The following PPP2R5C variants were observed in gnomAD, a reference collection of about 807,000 sequenced individuals.
The protein encoded by PPP2R5C is serine/threonine-protein phosphatase 2A 56 kDa regulatory subunit gamma isoform.
Under a neutral mutation model 68.9 loss-of-function variants are expected in PPP2R5C, and 7 were observed. That is an observed-to-expected ratio of 0.10 (90% confidence interval 0.06 to 0.19). The LOEUF is 0.19. PPP2R5C is among the 10% of genes least tolerant of loss of function. The probability of loss-of-function intolerance (pLI) is 1.00; values close to 1 mark genes in which losing one functional copy is unlikely to be tolerated. For missense variants in PPP2R5C, 348 were observed against 641.3 expected, an observed-to-expected ratio of 0.54 and a Z score of 4.94; for synonymous variants, 210 against 222.2, an observed-to-expected ratio of 0.95 and a Z score of 0.49.
chr14:101,907,624 C>G (rs934377976), intron 10 of PPP2R5C, among the ~76,000 whole-genome samples: 11 of 152,196 alleles, frequency 7.2e-5, no homozygotes, highest in African/African-American at 2.7e-4. Context: ...CAGCCCTCCT[C>G]CCTTAGTTTA....
chr14:101,848,710 G>C (rs2140487999), intron 1 of PPP2R5C, among the ~76,000 whole-genome samples: 1 of 152,302 alleles, frequency 6.6e-6, no homozygotes, highest in Non-Finnish European at 1.5e-5. Flanking sequence ...GAGCAGCCCA[G>C]GGACACCCCG....
chr14:101,818,272 C>G (rs2039839108), intron 1 of PPP2R5C: 1 of 152,320 alleles, frequency 6.6e-6, no homozygotes, highest in Non-Finnish European at 1.5e-5. Flanking sequence ...TTATATACAT[C>G]TCCCCTCCTC....
chr14:101,805,561 C>G (rs951586173), upstream of PPP2R5C, among the ~76,000 whole-genome samples: 5 of 152,016 alleles, frequency 3.3e-5, no homozygotes, highest in Non-Finnish European at 7.4e-5. Flanking sequence ...GGATATACAC[C>G]CAAAAGAATT....
At chr14:101,852,581 G>T (rs1444126964) in intron 1 of PPP2R5C, among the ~76,000 whole-genome samples, 8 of 145,082 alleles carry the variant, frequency 5.5e-5, no homozygotes, top group African/African-American at 2.0e-4. Flanking sequence ...CGATTCTCTT[G>T]CCTCAGCCTC....
At chr14:101,761,611 CG>C (rs1262110209), upstream of PPP2R5C, among the ~76,000 whole-genome samples, 1 of 22,738 alleles carries the variant, frequency 4.4e-5, no homozygotes, top group Non-Finnish European at 8.0e-5. Flanking sequence ...GCGGGCGGGG[CG>C]GGGCGGCCGG....
At chr14:101,784,457 G>A (rs1397149591) in intron 2 of PPP2R5C, among the ~76,000 whole-genome samples, 1 of 151,742 alleles carries the variant, frequency 6.6e-6, no homozygotes, top group African/African-American at 2.4e-5. Context: ...CATGGCAGAA[G>A]GTGAAGGGGA....
intron 9 of PPP2R5C, among the ~76,000 whole-genome samples, chr14:101,902,278 C>G (rs1371300481): frequency 1.3e-5 from 2 of 152,214 alleles, no homozygotes; most frequent in Non-Finnish European, 1.5e-5. Flanking sequence ...GTTCCTGACA[C>G]TGTGTAAATC....
intron 9 of PPP2R5C, among the ~76,000 whole-genome samples, chr14:101,902,920 G>A (rs144053506): frequency 1.3e-5 from 2 of 152,014 alleles, no homozygotes; most frequent in African/African-American, 4.8e-5. Flanking sequence ...CTGCTGTGGT[G>A]TAGTCTCTTC....
At position 101,847,648 on chromosome 14, in the gene PPP2R5C, A is replaced by G. The variant is rs573239338; in HGVS notation, c.95-9038A>G. 4.1e-5 allele frequency among the ~76,000 whole-genome samples: 6 copies of G among 146,820 alleles called. No individual in the cohort carries two copies. The South Asian group carries it at 1.3e-3, about 31-fold the overall frequency. ...TCCTAGTGATGCAGGCTGTGTCCTC[A>G]TGGTTGGGGCTGCTCTTTTTTTTTT... On this transcript the variant is annotated intron_variant, in intron 1 of 13. Coordinates refer to ENST00000334743, the Ensembl canonical transcript of PPP2R5C.
In PPP2R5C at chr14:101,853,024, A is replaced by G. The variant is rs140760467; in HGVS notation, c.95-3662A>G. On this transcript the variant is annotated intron_variant, in intron 1 of 13. Coordinates refer to ENST00000334743, the Ensembl canonical transcript of PPP2R5C. ...TAACACTTTACTGTTACAAATCAGA[A>G]TACGTAAAGGTATGAAGCATATTCT... Among the ~76,000 whole-genome samples the G allele has an allele frequency of 1.2e-4, 18 of 152,336 alleles. No homozygotes were observed. The East Asian group carries it at 3.3e-3, about 28-fold the overall frequency.
At chr14:101,858,690 A>G (rs1191094231) in intron 2 of PPP2R5C, among the ~76,000 whole-genome samples, 1 of 152,096 alleles carries the variant, frequency 6.6e-6, no homozygotes, top group African/African-American at 2.4e-5. Flanking sequence ...TGTTAGATTT[A>G]TAAGTATATA....
chr14:101,846,124 G>A (rs745312723), intron 1 of PPP2R5C, among the ~76,000 whole-genome samples: 61 of 152,180 alleles, frequency 4.0e-4, no homozygotes, highest in African/African-American at 1.4e-3. Flanking sequence ...TGCTGGAACC[G>A]GGAACACTTA....
At chr14:101,800,337 G>A (rs565858606) in intron 3 of PPP2R5C, among the ~76,000 whole-genome samples, 9 of 152,284 alleles carry the variant, frequency 5.9e-5, no homozygotes, top group South Asian at 4.1e-4. Flanking sequence ...CGAGGCAGGC[G>A]GATCACCTGA....
chr14:101,837,914 T>C (rs906439573), intron 1 of PPP2R5C, among the ~76,000 whole-genome samples: 1 of 152,210 alleles, frequency 6.6e-6, no homozygotes, highest in Non-Finnish European at 1.5e-5. Flanking sequence ...AATTGACAGC[T>C]GGCAAGTGGG....
chr14:101,922,199 A>G, intron 13 of PPP2R5C: 3 of 985,342 alleles, frequency 3.0e-6, no homozygotes, highest in Non-Finnish European at 3.6e-6. Flanking sequence ...GAAATTTGGC[A>G]GCTGGGAGGC....
chr14:101,858,312 A>T (rs943782396), intron 2 of PPP2R5C, among the ~76,000 whole-genome samples: 1 of 152,126 alleles, frequency 6.6e-6, no homozygotes, highest in Non-Finnish European at 1.5e-5. Flanking sequence ...TGTTTTGCGC[A>T]TCACATTTTA....
At chr14:101,769,238 T>C (rs548486402) in intron 2 of PPP2R5C, among the ~76,000 whole-genome samples, 1 of 152,372 alleles carries the variant, frequency 6.6e-6, no homozygotes, top group East Asian at 1.9e-4. Flanking sequence ...TAGCAATTAC[T>C]TACTAGACCA....
intron 1 of PPP2R5C, 96 bp downstream of exon 1, chr14:101,762,016 A>G: frequency 1.4e-5 from 16 of 1,106,150 alleles, no homozygotes; most frequent in Non-Finnish European, 1.8e-5. Context: ...GCCCCGGCTC[A>G]GTTCCCCGCC....
chr14:101,917,858 A>G lies in PPP2R5C; in HGVS notation c.1354A>G (p.Met452Val). The change falls in exon 13 of 14, where the codon ATG becomes GTG. Residue 452 changes from methionine to valine, a missense_variant. Coordinates refer to ENST00000334743, the Ensembl canonical transcript of PPP2R5C. This position sits in a 1 kb window ranked among gnomAD's most constrained non-coding sequence, Gnocchi z 4.4. ...CACAGTGTATAGTCAAGCCAGCACCATGAGCATTCCGGTTGCAATGGAGAC... is the reference window on the plus strand; with the variant it reads ...CACAGTGTATAGTCAAGCCAGCACCGTGAGCATTCCGGTTGCAATGGAGAC... 2 of 1,613,762 alleles carry G rather than the reference A, an allele frequency of 1.2e-6. No homozygotes were observed. Among genetic ancestry groups the G allele is most frequent in the Non-Finnish European group, 1.7e-6 (2 of 1,179,734 alleles).
Sources: gnomAD v4.1 joint callset for allele counts (sites outside exome capture counted in the v4.1 genomes callset) on GRCh38, gnomAD v4.1.1 for gene constraint, Gnocchi (gnomAD v3.1) non-coding constraint, MANE v1.5 for transcripts, NCBI Gene and HGNC (gene_info 2026-07-23, HGNC 2026-07-21) for gene names.